Variants in CARMIL1 observed in about 807,000 individuals in gnomAD.
CARMIL1 encodes capping protein regulator and myosin 1 linker 1, also known as F-actin-uncapping protein LRRC16A.
CARMIL1 carries 90 observed loss-of-function variants against 177.1 expected under a neutral mutation model. That is an observed-to-expected ratio of 0.51 (90% CI 0.43 to 0.61). The LOEUF (loss-of-function observed/expected upper bound fraction) is 0.61. Ranked by LOEUF, CARMIL1 falls within the 20% of genes least tolerant of loss-of-function variation. CARMIL1 has a pLI of 0.00. For missense variants in CARMIL1, 1,380 were observed against 1,667.0 expected (o/e 0.83, Z 3.00); for synonymous variants, 577 against 606.2 (o/e 0.95, Z 0.71).
At chr6:25,540,235 A>G (rs1808758443) in intron 26 of CARMIL1, among the ~76,000 whole-genome samples, 157 bp downstream of exon 26, 1 of 152,240 alleles carries the variant, frequency 6.6e-6, no homozygotes, top group South Asian at 2.1e-4. Flanking sequence ...CAGCTTCATT[A>G]TAAGTTTTGG....
At chr6:25,426,685 C>A in intron 4 of CARMIL1, 125 bp downstream of exon 4, 1 of 726,192 alleles carries the variant, frequency 1.4e-6, no homozygotes, top group Non-Finnish European at 2.2e-6. Flanking sequence ...AAATGAGAGA[C>A]TCAACACTGG....
At chr6:25,503,309 C>T (rs552406998) in intron 17 of CARMIL1, among the ~76,000 whole-genome samples, 1 of 152,292 alleles carries the variant, frequency 6.6e-6, no homozygotes, top group African/African-American at 2.4e-5. Context: ...TATAAAGTCA[C>T]ATGTTATGTT....
chr6:25,287,316 C>T (rs906718941), intron 2 of CARMIL1: 2 of 152,158 alleles, frequency 1.3e-5, no homozygotes, highest in Admixed American at 6.5e-5. Flanking sequence ...CTGTATTTTA[C>T]GTGGTTCTTT....
At chr6:25,281,156 A>ACACG (rs1781086594) in intron 1 of CARMIL1, among the ~76,000 whole-genome samples, 1 of 150,170 alleles carries the variant, frequency 6.7e-6, no homozygotes, top group Non-Finnish European at 1.5e-5. Flanking sequence ...ACACACACAC[A>ACACG]CACACACACA....
chr6:25,471,134 G>A (rs370846382), intron 9 of CARMIL1, 35 bp from the exon 10 acceptor site: 1 of 1,398,190 alleles, frequency 7.2e-7, no homozygotes, highest in Non-Finnish European at 1.0e-6. Context: ...CTTCTTTAGA[G>A]TTATGGAATA....
At chr6:25,563,857 A>AG (rs1811340217) in intron 29 of CARMIL1, 1 of 985,286 alleles carries the variant, frequency 1.0e-6, no homozygotes. Flanking sequence ...CACTGAAATG[A>AG]GGTCATCAAG....
intron 26 of CARMIL1, among the ~76,000 whole-genome samples, chr6:25,545,722 A>G (rs6927384): frequency 0.15 from 23,341 of 152,136 alleles, 1,903 homozygotes; most frequent in Middle Eastern, 0.22. Flanking sequence ...TCTGGTCTCA[A>G]TTCAAATAAG....
intron 2 of CARMIL1, among the ~76,000 whole-genome samples, chr6:25,312,836 G>C (rs1382402104): frequency 6.7e-6 from 1 of 149,362 alleles, no homozygotes; most frequent in African/African-American, 2.5e-5. Context: ...TAAGGAAACA[G>C]CTGGCAGATC....
chr6:25,561,493 A>G (rs1044847977), intron 29 of CARMIL1, among the ~76,000 whole-genome samples: 3 of 152,224 alleles, frequency 2.0e-5, no homozygotes, highest in Non-Finnish European at 4.4e-5. Flanking sequence ...AAAAAGCTTG[A>G]ATTATTACAG....
intron 26 of CARMIL1, among the ~76,000 whole-genome samples, chr6:25,543,739 T>C (rs981391764): frequency 3.3e-5 from 5 of 152,136 alleles, no homozygotes; most frequent in Non-Finnish European, 7.4e-5. Flanking sequence ...CCAGAAGAGT[T>C]TTCTGAGTTT....
At chr6:25,296,077 CAT>C (rs1212326390) in intron 2 of CARMIL1, among the ~76,000 whole-genome samples, 1 of 152,228 alleles carries the variant, frequency 6.6e-6, no homozygotes, top group African/African-American at 2.4e-5. Context: ...AATTTAGTAT[CAT>C]AATGAAAGGA....
chr6:25,600,282 A>G, intron 32 of CARMIL1, 32 bp from the exon 33 acceptor site: 1 of 1,557,458 alleles, frequency 6.4e-7, no homozygotes, highest in Non-Finnish European at 8.7e-7. Context: ...TACAGTAAAA[A>G]CAACAGATCT....
At chr6:25,614,981 A>G (rs1021639381) in intron 36 of CARMIL1, among the ~76,000 whole-genome samples, 1 of 152,190 alleles carries the variant, frequency 6.6e-6, no homozygotes, top group East Asian at 1.9e-4. Flanking sequence ...TTCTGCTTTG[A>G]TTTCTTGAAA....
At position 25,584,772 on chromosome 6, in the gene CARMIL1, C is replaced by A. The variant is rs185738215; in HGVS notation, c.3006+3333C>A. ...TCTGCCTATAGGGAGGGCAGTTTCT[C>A]GAATGAAACTTTTATGACCTGCCTC... On this transcript the variant is annotated intron_variant, in intron 31 of 36. Coordinates refer to ENST00000329474, the MANE Select transcript of CARMIL1 (RefSeq NM_017640.6). 1.1e-3 allele frequency among the ~76,000 whole-genome samples: 161 copies of A among 152,202 alleles called. 2 individuals carry two copies. The highest frequency in any genetic ancestry group is 3.2e-3 in the African/African-American group (134 of 41,542).
At chr6:25,496,409 C>T (rs189358408) in intron 16 of CARMIL1, among the ~76,000 whole-genome samples, 23 of 137,188 alleles carry the variant, frequency 1.7e-4, no homozygotes, top group African/African-American at 3.3e-4. Flanking sequence ...ACCCGGGAGG[C>T]GGAGGTTGCA....
intron 17 of CARMIL1, among the ~76,000 whole-genome samples, chr6:25,505,536 T>C (rs1161902744): frequency 6.6e-6 from 1 of 152,148 alleles, no homozygotes; most frequent in Non-Finnish European, 1.5e-5. Context: ...CACTGCAACC[T>C]GCACCTCCGG....
At chr6:25,294,602 C>G (rs943263648) in intron 2 of CARMIL1, among the ~76,000 whole-genome samples, 24 of 152,300 alleles carry the variant, frequency 1.6e-4, no homozygotes, top group African/African-American at 5.8e-4. Context: ...CTTGCATAGT[C>G]TACTGGAATA....
intron 8 of CARMIL1, among the ~76,000 whole-genome samples, chr6:25,462,113 A>G (rs1341570666): frequency 6.6e-6 from 1 of 152,200 alleles, no homozygotes; most frequent in South Asian, 2.1e-4. Flanking sequence ...TTCTGTCAGC[A>G]TGTGGCTTAT....
intron 33 of CARMIL1, among the ~76,000 whole-genome samples, chr6:25,604,447 C>T (rs2151316829): frequency 6.6e-6 from 1 of 152,248 alleles, no homozygotes; most frequent in South Asian, 2.1e-4. Context: ...TGCAAGGGCC[C>T]TCATCACATA....
Sources: allele counts gnomAD v4.1 joint callset (sites outside exome capture counted in the v4.1 genomes callset), GRCh38; gene constraint gnomAD v4.1.1; transcripts MANE v1.5; gene names NCBI Gene and HGNC (gene_info 2026-07-23, HGNC 2026-07-21).